Variants in ANKHD1 observed in about 807,000 individuals in gnomAD.
ANKHD1 encodes the protein ankyrin repeat and KH domain containing 1.
Under a neutral mutation model 230.5 loss-of-function variants are expected in ANKHD1, and 31 were observed. The ratio of observed to expected loss-of-function variants is 0.13; its 90% CI spans 0.10 to 0.18. ANKHD1 has a LOEUF of 0.18. Ranked by LOEUF, ANKHD1 falls within the 10% of genes least tolerant of loss-of-function variation. ANKHD1 has a pLI of 1.00. For missense variants in ANKHD1, 2,256 were observed against 3,071.3 expected, an observed-to-expected ratio of 0.73 and a Z score of 6.27; for synonymous variants, 1,074 against 1,117.6, an observed-to-expected ratio of 0.96 and a Z score of 0.78.
At chr5:140,438,190 A>G (rs981922205) in intron 2 of ANKHD1, among the ~76,000 whole-genome samples, 3 of 152,204 alleles carry the variant, frequency 2.0e-5, no homozygotes, top group Non-Finnish European at 2.9e-5. Context: ...ACAGCCTCAT[A>G]TGAAGTTACA....
intron 30 of ANKHD1, 192 bp from the exon 31 acceptor site, chr5:140,537,197 A>G: frequency 1.0e-6 from 1 of 1,003,422 alleles, no homozygotes; most frequent in Non-Finnish European, 1.4e-6. Flanking sequence ...TATAGAAATT[A>G]TGTTTTATTT....
Position 140,445,903 on chromosome 5 carries a change from G to A in ANKHD1, c.1075G>A (p.Asp359Asn), listed in dbSNP as rs1183949037. The part of the protein sequence containing the change: ...GHVEVARVLL[D>N]HGAGINTHSN... ...TGTGGAAGTTGCAAGAGTTCTTTTA[G>A]ATCATGGTGCAGGCATCAACACTCA... Residue 359 changes from aspartate (D) to asparagine (N), a missense_variant, in exon 6 of 34, where the codon GAT becomes AAT. By Grantham distance (23) the Asp-to-Asn change is conservative (BLOSUM62 1). Transcript: ENST00000360839. 1 of 1,613,496 alleles carries A rather than the reference G, an allele frequency of 6.2e-7. No homozygotes were observed. The highest frequency in any genetic ancestry group is 1.1e-5 in the South Asian group (1 of 90,986).
Position 140,526,209 on chromosome 5 carries a change from C to G in ANKHD1, c.4706C>G (p.Ala1569Gly). The G allele has an allele frequency of 6.2e-7, 1 of 1,614,096 alleles. No homozygotes were observed. Among genetic ancestry groups the G allele is most frequent in the Non-Finnish European group, 8.5e-7 (1 of 1,180,024 alleles). ...LILPEQHMSLAQQKADKNKIN... is the reference protein window; with the variant it reads ...LILPEQHMSLGQQKADKNKIN... ...TTACCAGAACAACATATGTCTTTAG[C>G]CCAACAAAAGGCAGATAAAAATAAA... The change falls in exon 26 of 34, where the codon GCC (alanine) becomes GGC (glycine). Residue 1569 changes from alanine (A) to glycine (G), a missense_variant. Transcript: ENST00000360839.
chr5:140,515,527 A>G (rs1334418512), intron 24 of ANKHD1, among the ~76,000 whole-genome samples: 1 of 152,190 alleles, frequency 6.6e-6, no homozygotes, highest in Non-Finnish European at 1.5e-5. Context: ...AAGACGGGTG[A>G]TTTCTGCATT....
intron 10 of ANKHD1, among the ~76,000 whole-genome samples, chr5:140,477,047 G>A (rs1751008973): frequency 1.3e-5 from 2 of 152,102 alleles, no homozygotes; most frequent in Non-Finnish European, 2.9e-5. Context: ...ATTAGAGTCA[G>A]AATCAAAATG....
intron 24 of ANKHD1, among the ~76,000 whole-genome samples, chr5:140,520,073 A>G (rs1265434135): frequency 6.7e-6 from 1 of 149,832 alleles, no homozygotes; most frequent in Non-Finnish European, 1.5e-5. Context: ...AACTCAAACA[A>G]ATTTACAAGA....
At chr5:140,535,746 T>A in intron 30 of ANKHD1, 1 of 685,806 alleles carries the variant, frequency 1.5e-6, no homozygotes, top group Non-Finnish European at 2.0e-6. Flanking sequence ...TGTTTTACAG[T>A]AGAACTTGGA....
intron 10 of ANKHD1, among the ~76,000 whole-genome samples, chr5:140,471,598 T>C (rs1260752342): frequency 2.0e-5 from 3 of 152,216 alleles, no homozygotes; most frequent in African/African-American, 7.2e-5. Flanking sequence ...GAGTGAAGCC[T>C]TCTCTAGGCC....
rs1421269804 is a variant in ANKHD1, at chr5:140,457,090, G to A, written c.1243-1535G>A. On this transcript the variant is annotated intron_variant, in intron 7 of 33. Transcript: ENST00000360839. ...AAAGAAGACATTTATGCAGCCAACA[G>A]ACACATGAAAAAATGCTCCTCATCA... 1.9e-4 allele frequency among the ~76,000 whole-genome samples: 29 copies of A among 152,238 alleles called. 1 individual carries two copies. Among genetic ancestry groups the A allele is most frequent in the Non-Finnish European group, 3.7e-4 (25 of 68,010 alleles).
intron 1 of ANKHD1, among the ~76,000 whole-genome samples, chr5:140,429,723 CTG>C (rs1328810690): frequency 6.6e-6 from 1 of 152,038 alleles, no homozygotes; most frequent in Non-Finnish European, 1.5e-5. Flanking sequence ...GAAATACAGT[CTG>C]AGAGAAGTTA....
intron 1 of ANKHD1, among the ~76,000 whole-genome samples, chr5:140,410,449 A>G (rs546015477): frequency 2.0e-5 from 3 of 152,348 alleles, no homozygotes; most frequent in African/African-American, 4.8e-5. Context: ...GATCACTAAT[A>G]TAAATAAAAT....
At chr5:140,415,731 C>T (rs527953005) in intron 1 of ANKHD1, among the ~76,000 whole-genome samples, 46 of 151,894 alleles carry the variant, frequency 3.0e-4, no homozygotes, top group Admixed American at 3.0e-3. Flanking sequence ...AGCCACCGCA[C>T]CCAGCCGCCT....
At chr5:140,495,644 A>T (rs1752002447) in intron 14 of ANKHD1, among the ~76,000 whole-genome samples, 1 of 152,156 alleles carries the variant, frequency 6.6e-6, no homozygotes, top group African/African-American at 2.4e-5. Context: ...AGATGTTAGG[A>T]TTATTAATAT....
At chr5:140,479,288 A>C (rs1751136977) in intron 10 of ANKHD1, among the ~76,000 whole-genome samples, 2 of 152,174 alleles carry the variant, frequency 1.3e-5, no homozygotes, top group Admixed American at 1.3e-4. Flanking sequence ...ATTAGCCACC[A>C]TGCCCAGCCG....
At chr5:140,452,340 A>C (rs1425954629) in intron 7 of ANKHD1, among the ~76,000 whole-genome samples, 1 of 152,208 alleles carries the variant, frequency 6.6e-6, no homozygotes, top group Non-Finnish European at 1.5e-5. Flanking sequence ...TGCAGACTTA[A>C]ATGTCCCTGT....
Position 140,485,219 on chromosome 5 carries a change from C to A in ANKHD1, c.1969C>A (p.His657Asn). ...GGCAGTTGTTGAGCTTCTCTTGGCTCATGGGGCTGACCCTACTCATCGACT... is the reference window on the plus strand; with the variant it reads ...GGCAGTTGTTGAGCTTCTCTTGGCTAATGGGGCTGACCCTACTCATCGACT... The part of the protein sequence containing the change: ...HLAVVELLLA[H>N]GADPTHRLKD... Residue 657 changes from histidine to asparagine, a missense_variant, in exon 12 of 34, where the codon CAT becomes AAT. Around this residue, in one of 13 missense-constraint regions of ANKHD1, gnomAD observed 23 missense variants for 51.8 expected, o/e 0.44. Coordinates refer to ENST00000360839, the MANE Select transcript of ANKHD1 (RefSeq NM_017747.3). This position sits in a 1 kb window ranked among gnomAD's most constrained non-coding sequence, Gnocchi z 4.8. The A allele has an allele frequency of 6.2e-7, 1 of 1,613,802 alleles. No homozygotes were observed. The highest frequency in any genetic ancestry group is 8.5e-7 in the Non-Finnish European group (1 of 1,179,856).
rs553624959 is a variant in ANKHD1, at chr5:140,411,543, G to A, written c.306+9270G>A. ...TTTTTTTTTTGGTTTGTTTGAGAAC[G>A]GAGTCTCACTCTGTTGCCCAGGCTG... On this transcript the variant is annotated intron_variant, in intron 1 of 33. Transcript: ENST00000360839. Among the ~76,000 whole-genome samples the A allele has an allele frequency of 4.8e-4, 69 of 145,016 alleles. 1 individual carries two copies. The highest frequency in any genetic ancestry group is 7.1e-3 in the Middle Eastern group (2 of 282).
Position 140,464,687 on chromosome 5 carries a change from A to G in ANKHD1, c.1693A>G (p.Thr565Ala), listed in dbSNP as rs376827007. The stretch of plus-strand genomic sequence containing the variant: ...GCTAGGCGCTAATGTGCATGCTACA[A>G]CAGCAACAGGAGACACAGCCTTAAC... ...LASGANVHATTATGDTALTYA... is the reference protein window; with the variant it reads ...LASGANVHATAATGDTALTYA... Residue 565 changes from threonine to alanine, a missense_variant, in exon 10 of 34, where the codon ACA (threonine) becomes GCA (alanine). By Grantham distance (58) the Thr-to-Ala change is moderately conservative. Transcript: ENST00000360839. 3 of 1,600,866 alleles carry G rather than the reference A, an allele frequency of 1.9e-6. No homozygotes were observed. Among genetic ancestry groups the G allele is most frequent in the Non-Finnish European group, 2.6e-6 (3 of 1,170,696 alleles).
intron 10 of ANKHD1, among the ~76,000 whole-genome samples, chr5:140,482,128 C>T (rs986353478): frequency 1.3e-5 from 2 of 151,948 alleles, no homozygotes; most frequent in African/African-American, 2.4e-5. Context: ...TTTTCCGTTA[C>T]TCCTAAAATA....
Sources: gnomAD v4.1 joint callset for allele counts (sites outside exome capture counted in the v4.1 genomes callset) on GRCh38, gnomAD v4.1.1 for gene constraint, gnomAD v4.1.1 regional missense constraint, Gnocchi (gnomAD v3.1) non-coding constraint, MANE v1.5 for transcripts, NCBI Gene and HGNC (gene_info 2026-07-23, HGNC 2026-07-21) for gene names.